The following SVOP variants were observed in gnomAD, a reference collection of about 807,000 sequenced individuals.
The protein encoded by SVOP is synaptic vesicle 2-related protein.
Under a neutral mutation model 69.1 loss-of-function variants are expected in SVOP, and 17 were observed. The ratio of observed to expected loss-of-function variants is 0.25; its 90% CI spans 0.17 to 0.37. The LOEUF is 0.37. SVOP is among the 10% of genes least tolerant of loss of function. The pLI is 1.00. For missense variants in SVOP, 435 were observed against 597.5 expected (o/e 0.73, Z 2.84); for synonymous variants, 238 against 238.6 (o/e 1.00, Z 0.02).
intron 1 of SVOP, among the ~76,000 whole-genome samples, chr12:108,985,775 G>GT (rs1483856909): frequency 9.2e-5 from 14 of 152,046 alleles, no homozygotes; most frequent in South Asian, 2.1e-4. Context: ...TTTTTAAAAG[G>GT]TAAAAAAAAG....
chr12:108,982,829 AC>A (rs2040146785), intron 2 of SVOP, among the ~76,000 whole-genome samples: 2 of 68,500 alleles, frequency 2.9e-5, no homozygotes, highest in African/African-American at 1.5e-4. Context: ...CATCATCATC[AC>A]TGTCACCATC....
intron 7 of SVOP, among the ~76,000 whole-genome samples, chr12:108,943,024 G>T (rs2039901717): frequency 6.6e-6 from 1 of 151,966 alleles, no homozygotes; most frequent in African/African-American, 2.4e-5. Context: ...CTCTCAAAGT[G>T]CTGGGATTAT....
At position 108,918,135 on chromosome 12, in the gene SVOP, G is replaced by C; in HGVS notation, c.1269-11C>G. The C allele has an allele frequency of 6.5e-7, 1 of 1,549,064 alleles. No homozygotes were observed. Among genetic ancestry groups the C allele is most frequent in the Non-Finnish European group, 8.7e-7 (1 of 1,146,970 alleles). ...AGAGTGAGCACATTTCTAGGAGGAG[G>C]ATAAAGGCAGATGATGGCATTTTTT... On this transcript the variant is annotated splice_polypyrimidine_tract_variant and intron_variant, in intron 13 of 15. Coordinates refer to ENST00000610966, the MANE Select transcript of SVOP (RefSeq NM_018711.5).
chr12:108,919,525 A>G (rs2039735828), intron 13 of SVOP, 150 bp downstream of exon 13: 4 of 609,324 alleles, frequency 6.6e-6, no homozygotes, highest in Non-Finnish European at 8.8e-6. Context: ...ACCTGTACCC[A>G]TATTCACACC....
intron 5 of SVOP, among the ~76,000 whole-genome samples, chr12:108,968,145 A>G (rs1164089092): frequency 6.6e-6 from 1 of 152,186 alleles, no homozygotes; most frequent in Non-Finnish European, 1.5e-5. Flanking sequence ...GAGGATAAGA[A>G]AGTAGCAGAG....
At chr12:108,921,568 T>C (rs1426793419) in intron 12 of SVOP, among the ~76,000 whole-genome samples, 1 of 152,122 alleles carries the variant, frequency 6.6e-6, no homozygotes, top group Non-Finnish European at 1.5e-5. Flanking sequence ...GCATAGAACA[T>C]GCGCCTTGGA....
At chr12:108,964,570 G>C (rs2040034559) in intron 5 of SVOP, among the ~76,000 whole-genome samples, 1 of 152,014 alleles carries the variant, frequency 6.6e-6, no homozygotes, top group Non-Finnish European at 1.5e-5. Context: ...CTCTGCATTT[G>C]TCTGTTGATG....
chr12:109,013,197 A>G (rs2040351252), intron 1 of SVOP, among the ~76,000 whole-genome samples: 1 of 152,218 alleles, frequency 6.6e-6, no homozygotes, highest in Non-Finnish European at 1.5e-5. Context: ...ATCAGATCCC[A>G]CCCTTGTGAA....
chr12:108,920,994 C>A (rs2039745166), intron 12 of SVOP, among the ~76,000 whole-genome samples: 1 of 152,160 alleles, frequency 6.6e-6, no homozygotes, highest in Non-Finnish European at 1.5e-5. Flanking sequence ...GTTATTCAGT[C>A]AATGAGCACC....
In SVOP at chr12:108,947,701, C is replaced by T. The variant is rs1593186973; in HGVS notation, c.579-2535G>A. 4.6e-5 allele frequency among the ~76,000 whole-genome samples: 7 copies of T among 152,292 alleles called. 1 individual carries two copies. ...CTGGACAGGGAAGGGAACTTTTAAA[C>T]CAGGCCCTGCTCCCACCTATCCCAT... On this transcript the variant is annotated intron_variant, in intron 6 of 15. Coordinates refer to ENST00000610966, the MANE Select transcript of SVOP (RefSeq NM_018711.5).
rs554677065 is a variant in SVOP at position 108,912,738 on chromosome 12, T to A, written c.1444A>T (p.Met482Leu). 2 of 1,613,552 alleles carry A rather than the reference T, an allele frequency of 1.2e-6. No individual in the cohort carries two copies. The highest frequency in any genetic ancestry group is 3.3e-5 in the Admixed American group (2 of 59,960). Residue 482 changes from methionine to leucine, a missense_variant, in exon 16 of 16, where the codon ATG becomes TTG. Physicochemically the swap from Met to Leu is conservative, Grantham distance 15. Transcript: ENST00000610966. ...GTCAGGTACACAGAGGATTCCAGCA[T>A]CACCTAGGGGAAGGAGACACGGGTC... ...ALITPFIAQV[M>L]LESSVYLTLA...
intron 6 of SVOP, among the ~76,000 whole-genome samples, chr12:108,947,546 C>A (rs887742605): frequency 7.9e-5 from 12 of 152,162 alleles, no homozygotes; most frequent in Admixed American, 2.6e-4. Context: ...GTCTCATTAT[C>A]CTCAATATGG....
At chr12:108,940,741 G>C in intron 8 of SVOP, 43 bp downstream of exon 8, 3 of 1,529,102 alleles carry the variant, frequency 2.0e-6, no homozygotes, top group Non-Finnish European at 2.6e-6. Flanking sequence ...TGGACAGTAA[G>C]ATGTCAGACA....
intron 1 of SVOP, among the ~76,000 whole-genome samples, chr12:109,005,989 G>A (rs1462912832): frequency 6.6e-6 from 1 of 152,166 alleles, no homozygotes; most frequent in Non-Finnish European, 1.5e-5. Flanking sequence ...TGAGTTTTGA[G>A]AAGGTCACTC....
At chr12:109,014,267 G>A (rs936647581) in intron 1 of SVOP, among the ~76,000 whole-genome samples, 7 of 151,760 alleles carry the variant, frequency 4.6e-5, no homozygotes, top group South Asian at 4.2e-4. Context: ...AAAGTGCCTC[G>A]GCCTTCCAAA....
At chr12:108,932,721 A>G (rs2039829077) in intron 11 of SVOP, among the ~76,000 whole-genome samples, 1 of 152,108 alleles carries the variant, frequency 6.6e-6, no homozygotes, top group African/African-American at 2.4e-5. Context: ...GTTTAGGCAC[A>G]GCTGACCAGC....
At chr12:109,020,753 T>TTGGGGGGGGGGGGCC in intron 1 of SVOP, 81 bp downstream of exon 1, 1 of 317,722 alleles carries the variant, frequency 3.1e-6, no homozygotes, top group Non-Finnish European at 5.9e-6. Flanking sequence ...TGCAGAGATG[T>TTGGGGGGGGGGGGCC]ACCCCCCCCC....
intron 6 of SVOP, among the ~76,000 whole-genome samples, chr12:108,950,377 C>T (rs1295373348): frequency 6.7e-6 from 1 of 149,832 alleles, no homozygotes; most frequent in East Asian, 2.0e-4. Context: ...CCATGCCTGG[C>T]CAAGAATTAC....
chr12:108,989,897 C>T (rs1481919433), intron 1 of SVOP, among the ~76,000 whole-genome samples: 1 of 152,218 alleles, frequency 6.6e-6, no homozygotes, highest in Non-Finnish European at 1.5e-5. Flanking sequence ...TGAGCATTTG[C>T]TATAAGCCAA....
Sources: gnomAD v4.1 joint callset for allele counts (sites outside exome capture counted in the v4.1 genomes callset) on GRCh38, gnomAD v4.1.1 for gene constraint, MANE v1.5 for transcripts, NCBI Gene and HGNC (gene_info 2026-07-23, HGNC 2026-07-21) for gene names.